NAPA: variants seen among roughly 807,000 people sequenced by gnomAD.
NAPA encodes NSF attachment protein alpha.
A neutral mutation model predicts 48.0 loss-of-function variants in NAPA; 18 were observed. The ratio of observed to expected loss-of-function variants is 0.38; its 90% CI spans 0.26 to 0.56. The LOEUF (loss-of-function observed/expected upper bound fraction) is 0.56, where lower values mean the gene tolerates loss of function less well. Among genes scored for constraint, NAPA ranks in the 20% least tolerant of loss-of-function variants. The pLI, the probability that NAPA is intolerant of heterozygous loss-of-function variation, is 0.77. For missense variants in NAPA, 315 were observed against 385.0 expected (o/e 0.82, Z 1.52); for synonymous variants, 152 against 149.9 (o/e 1.01, Z -0.10).
intron 1 of NAPA, among the ~76,000 whole-genome samples, chr19:47,514,288 C>G (rs1024043394): frequency 2.0e-5 from 3 of 152,114 alleles, no homozygotes; most frequent in Non-Finnish European, 4.4e-5. Flanking sequence ...TGTCAGCCCC[C>G]TTCAGCCTTC....
chr19:47,494,239 C>T (rs780422253), intron 4 of NAPA, among the ~76,000 whole-genome samples: 3 of 152,242 alleles, frequency 2.0e-5, no homozygotes, highest in Non-Finnish European at 2.9e-5. Flanking sequence ...AGCCCCTCTC[C>T]TCCACTAAGG....
At chr19:47,497,332 C>T (rs971105908) in intron 3 of NAPA, 1 of 153,754 alleles carries the variant, frequency 6.5e-6, no homozygotes, top group African/African-American at 2.4e-5. Flanking sequence ...CTGGCACTGG[C>T]TCTGGAGCAC....
chr19:47,504,673 A>G lies in NAPA; in HGVS notation c.99-1171T>C, dbSNP rs552387766. Among the ~76,000 whole-genome samples, 64 of 151,948 alleles carry G rather than the reference A, an allele frequency of 4.2e-4. 1 individual carries two copies. The highest frequency in any genetic ancestry group is 1.5e-3 in the African/African-American group (62 of 41,276). ...TATACACACACGTGTACATATATAC[A>G]CATGTGTATATATGTGTATGTGTAT... On this transcript the variant is annotated intron_variant, in intron 1 of 10. Transcript: ENST00000263354.
At chr19:47,495,430 C>T (rs1055896879) in intron 4 of NAPA, 120 bp downstream of exon 4, 2 of 1,141,462 alleles carry the variant, frequency 1.8e-6, no homozygotes, top group African/African-American at 1.5e-5. Flanking sequence ...TCCCACTTCC[C>T]CCTCCCCAAG....
rs1315657083 is a variant in NAPA, at chr19:47,500,754, A to T, written c.179-5T>A. On this transcript the variant is annotated splice_polypyrimidine_tract_variant and splice_region_variant and intron_variant, in intron 2 of 10. Coordinates refer to ENST00000263354, the MANE Select transcript of NAPA (RefSeq NM_003827.4). ...GGCAGAACGCGTTTCCAGCAGCTGGAACAGAAGAGAAGGGCAGTCCTGGCC... is the reference window on the plus strand; with the variant it reads ...GGCAGAACGCGTTTCCAGCAGCTGGTACAGAAGAGAAGGGCAGTCCTGGCC... The T allele has an allele frequency of 6.3e-7, 1 of 1,599,514 alleles. No individual in the cohort carries two copies. Among genetic ancestry groups the T allele is most frequent in the Non-Finnish European group, 8.5e-7 (1 of 1,172,380 alleles).
intron 1 of NAPA, among the ~76,000 whole-genome samples, chr19:47,504,465 CAT>C (rs1968652491): frequency 7.4e-6 from 1 of 134,550 alleles, no homozygotes; most frequent in East Asian, 2.2e-4. Flanking sequence ...TTTATATAAA[CAT>C]AGGATATTTC....
chr19:47,514,893 C>T lies in NAPA; in HGVS notation c.48G>A (p.Glu16=). 1 of 1,614,072 alleles carries T rather than the reference C, an allele frequency of 6.2e-7. No homozygotes were observed. The highest frequency in any genetic ancestry group is 1.7e-5 in the Admixed American group (1 of 60,020). ...KEAEAMALLA[E]AERKVKNSQS... ...GCGAGTTCTTCACTTTGCGCTCCGC[C>T]TCGGCCAACAGCGCCATCGCCTCCG... Residue 16 remains glutamate (E), a synonymous_variant, in exon 1 of 11, where the codon GAG becomes GAA. Coordinates refer to ENST00000263354, the MANE Select transcript of NAPA (RefSeq NM_003827.4).
intron 10 of NAPA, 89 bp from the exon 11 acceptor site, chr19:47,488,478 C>CT (rs1462392986): frequency 1.9e-5 from 19 of 1,002,076 alleles, no homozygotes; most frequent in Middle Eastern, 2.1e-4. Flanking sequence ...TTTTCAAGAT[C>CT]TGTCTCTGTC....
intron 4 of NAPA, 40 bp downstream of exon 4, chr19:47,495,510 G>C: frequency 6.2e-7 from 1 of 1,607,114 alleles, no homozygotes; most frequent in Non-Finnish European, 8.5e-7. Flanking sequence ...GGGCAATGCA[G>C]TGGGACCCGG....
At position 47,492,968 on chromosome 19, in the gene NAPA, T is replaced by C; in HGVS notation, c.554A>G (p.Tyr185Cys). ...LEQYQKAIDI[Y>C]EQVGTNAMDS... ...ATCCCCACCTGTCCCCACCTGTTCG[T>C]AGATGTCAATGGCCTTCTGATACTG... The change falls in exon 7 of 11, where the codon TAC becomes TGC. Residue 185 changes from tyrosine to cysteine, a missense_variant. By Grantham distance (194) the Tyr-to-Cys change is radical (BLOSUM62 -2). This residue lies in a region of NAPA where 137 missense variants were observed against 150.1 expected (regional missense o/e 0.91). Transcript: ENST00000263354. The C allele has an allele frequency of 6.2e-7, 1 of 1,614,094 alleles. No individual in the cohort carries two copies.
At position 47,510,967 on chromosome 19, in the gene NAPA, G is replaced by A. The variant is rs1006900114; in HGVS notation, c.98+3876C>T. On this transcript the variant is annotated intron_variant, in intron 1 of 10. Transcript: ENST00000263354. ...TGCTGGTGCATCAAAGCCCCCTAGC[G>A]TCTGGCAGCCCAGAAATAATGAAGA... 7.9e-5 allele frequency among the ~76,000 whole-genome samples: 12 copies of A among 152,300 alleles called. No individual in the cohort carries two copies. In the East Asian group the frequency reaches 1.2e-3, roughly 15 times the overall value.
chr19:47,490,646 C>CAAACA (rs55712853), intron 9 of NAPA, 142 bp downstream of exon 9: 143,624 of 516,884 alleles, frequency 0.28, 22,031 homozygotes, highest in African/African-American at 0.57. Flanking sequence ...CTCAAATGGC[C>CAAACA]AAACAAAACA....
At chr19:47,499,505 C>G (rs1968518047) in intron 3 of NAPA, among the ~76,000 whole-genome samples, 1 of 152,246 alleles carries the variant, frequency 6.6e-6, no homozygotes, top group African/African-American at 2.4e-5. Context: ...TGCTGTGGCC[C>G]AGTGCTACCA....
At chr19:47,500,022 G>T (rs1424483158) in intron 3 of NAPA, among the ~76,000 whole-genome samples, 2 of 152,198 alleles carry the variant, frequency 1.3e-5, no homozygotes, top group Non-Finnish European at 2.9e-5. Flanking sequence ...CACTGGGCTG[G>T]ACCTCCTCTT....
At chr19:47,503,687 G>A (rs905066887) in intron 1 of NAPA, among the ~76,000 whole-genome samples, 185 bp from the exon 2 acceptor site, 1 of 152,100 alleles carries the variant, frequency 6.6e-6, no homozygotes, top group South Asian at 2.1e-4. Flanking sequence ...CACTCACTTC[G>A]GGCAGACCAG....
intron 1 of NAPA, among the ~76,000 whole-genome samples, chr19:47,507,252 C>T (rs1211266938): frequency 6.6e-6 from 1 of 152,182 alleles, no homozygotes; most frequent in African/African-American, 2.4e-5. Flanking sequence ...CCCTCCAAGG[C>T]GGAGGAAGGA....
rs182064855 is a variant in NAPA at position 47,492,101 on chromosome 19, C to T, written c.580G>A (p.Asp194Asn). The part of the protein sequence containing the change: ...IYEQVGTNAM[D>N]SPLLKYSAKD... ...GCGCTGTACTTGAGGAGGGGGCTGT[C>T]CATGGCATTGGTCCCCACCTGTAGC... The change falls in exon 8 of 11, where the codon GAC becomes AAC. Residue 194 changes from aspartate to asparagine, a missense_variant. Physicochemically the swap from Asp to Asn is conservative, Grantham distance 23. Around this residue, in one of 3 missense-constraint regions of NAPA, gnomAD observed 137 missense variants for 150.1 expected, o/e 0.91. Transcript: ENST00000263354. The T allele has an allele frequency of 1.2e-4, 193 of 1,614,036 alleles. 1 individual carries two copies. Among genetic ancestry groups the T allele is most frequent in the Non-Finnish European group, 1.5e-4 (174 of 1,179,936 alleles).
At chr19:47,491,001 CT>C (rs1449796601) in intron 8 of NAPA, 145 bp from the exon 9 acceptor site, 7 of 640,918 alleles carry the variant, frequency 1.1e-5, no homozygotes, top group Non-Finnish European at 1.9e-5. Context: ...TCACCTGGCT[CT>C]GTGTCTGTCA....
At chr19:47,511,306 C>T (rs900759555) in intron 1 of NAPA, among the ~76,000 whole-genome samples, 4 of 152,168 alleles carry the variant, frequency 2.6e-5, no homozygotes, top group African/African-American at 9.7e-5. Context: ...GCAGGTCCTC[C>T]CAAGCTGGCC....
Sources: allele counts gnomAD v4.1 joint callset (sites outside exome capture counted in the v4.1 genomes callset), GRCh38; gene constraint gnomAD v4.1.1; regional missense constraint gnomAD v4.1.1; transcripts MANE v1.5; gene names NCBI Gene and HGNC (gene_info 2026-07-23, HGNC 2026-07-21).